The following PSME4 variants were observed in gnomAD, a reference collection of about 807,000 sequenced individuals.
The protein encoded by PSME4 is proteasome activator subunit 4.
A neutral mutation model predicts 253.9 loss-of-function variants in PSME4; 89 were observed. The observed-to-expected ratio is 0.35, with a 90% CI of 0.30 to 0.42. The LOEUF is 0.42. Among genes scored for constraint, PSME4 ranks in the 10% least tolerant of loss-of-function variants. The pLI is 1.00. For synonymous variants in PSME4, 851 were observed against 759.2 expected, an observed-to-expected ratio of 1.12 and a Z score of -1.99; for missense variants, 2,014 against 2,195.2, an observed-to-expected ratio of 0.92 and a Z score of 1.65.
intron 40 of PSME4, among the ~76,000 whole-genome samples, chr2:53,886,980 GTT>G (rs1679668848): frequency 6.6e-6 from 1 of 152,160 alleles, no homozygotes; most frequent in Non-Finnish European, 1.5e-5. Context: ...GTAGACAGTG[GTT>G]ATAAAGGATG....
chr2:53,966,232 C>T (rs984715417), intron 1 of PSME4, among the ~76,000 whole-genome samples: 20 of 152,066 alleles, frequency 1.3e-4, no homozygotes, highest in African/African-American at 4.8e-4. Flanking sequence ...TGCAGTGAGC[C>T]GACATTGTGC....
intron 41 of PSME4, 133 bp from the exon 42 acceptor site, chr2:53,875,888 T>G (rs1198603318): frequency 2.6e-6 from 2 of 758,590 alleles, no homozygotes; most frequent in Non-Finnish European, 2.0e-6. Context: ...AACTAGAGAA[T>G]AGCATAATGA....
intron 6 of PSME4, 76 bp downstream of exon 6, chr2:53,936,688 C>T: frequency 1.9e-6 from 2 of 1,061,560 alleles, no homozygotes; most frequent in Non-Finnish European, 2.6e-6. Context: ...TATTTATCTC[C>T]AAATTAAAAA....
intron 18 of PSME4, 152 bp from the exon 19 acceptor site, chr2:53,920,502 AAAC>A (rs879488577): frequency 2.4e-5 from 19 of 789,384 alleles, no homozygotes; most frequent in Admixed American, 1.6e-4. Context: ...AGTAGCATGA[AAAC>A]AACATCTTAC....
In PSME4 at chr2:53,970,756, C is replaced by T. The variant is rs948936774; in HGVS notation, c.29G>A (p.Gly10Glu). The T allele has an allele frequency of 3.2e-6, 5 of 1,544,734 alleles. No individual in the cohort carries two copies. Among genetic ancestry groups the T allele is most frequent in the Non-Finnish European group, 3.5e-6 (4 of 1,145,050 alleles). ...ACGCCCGCCCGGCTCCGGGGGCTCT[C>T]CGACTCCCGCCCGCTCGGCCGGCTC... MEPAERAGVGEPPEPGGRPE... is the reference protein window; with the variant it reads MEPAERAGVEEPPEPGGRPE... The change falls in exon 1 of 47, where the codon GGA (glycine) becomes GAA (glutamate). Residue 10 changes from glycine to glutamate, a missense_variant. Gly to Glu is a moderately conservative substitution (Grantham distance 98). Transcript: ENST00000404125.
intron 41 of PSME4, among the ~76,000 whole-genome samples, chr2:53,877,510 A>T (rs1164079367): frequency 7.3e-6 from 1 of 137,380 alleles, no homozygotes. Context: ...AACTGTTGTT[A>T]AAAAAAATTA....
At chr2:53,958,197 A>AT in intron 1 of PSME4, among the ~76,000 whole-genome samples, 1 of 151,390 alleles carries the variant, frequency 6.6e-6, no homozygotes, top group African/African-American at 2.4e-5. Flanking sequence ...AAAAAAAAAA[A>AT]AAAAAAAAAT....
chr2:53,956,189 A>G (rs1168313956), intron 1 of PSME4, among the ~76,000 whole-genome samples: 1 of 152,164 alleles, frequency 6.6e-6, no homozygotes, highest in Non-Finnish European at 1.5e-5. Flanking sequence ...AAAACTGAGA[A>G]ACTTTTTTGT....
chr2:53,940,101 T>A, intron 3 of PSME4, 101 bp from the exon 4 acceptor site: 1 of 924,644 alleles, frequency 1.1e-6, no homozygotes, highest in South Asian at 2.2e-5. Flanking sequence ...CATTCAGGTA[T>A]TATTTGTTTA....
intron 26 of PSME4, among the ~76,000 whole-genome samples, 169 bp from the exon 27 acceptor site, chr2:53,904,325 T>A (rs1165747286): frequency 6.6e-6 from 1 of 152,152 alleles, no homozygotes; most frequent in African/African-American, 2.4e-5. Context: ...TTTACTTATA[T>A]CAAAAGGAAA....
rs544948402 is a variant in PSME4, at chr2:53,919,179, G to T, written c.2488C>A (p.Pro830Thr). ...CLIGSGNLLP[P>T]LKGEPVTNLV... ...TTAGTAACTGGCTCTCCTTTCAACGGAGGTAGGAGGTTTCCAGAGCCAATT... is the reference window on the plus strand; with the variant it reads ...TTAGTAACTGGCTCTCCTTTCAACGTAGGTAGGAGGTTTCCAGAGCCAATT... Residue 830 changes from proline (P) to threonine (T), a missense_variant, in exon 20 of 47, where the codon CCG becomes ACG. Physicochemically the swap from Pro to Thr is conservative, Grantham distance 38 (BLOSUM62 -1). Around this residue, in one of 4 missense-constraint regions of PSME4, gnomAD observed 989 missense variants for 1,021.1 expected, o/e 0.97. Coordinates refer to ENST00000404125, the MANE Select transcript of PSME4 (RefSeq NM_014614.3). 1 of 1,612,318 alleles carries T rather than the reference G, an allele frequency of 6.2e-7. No homozygotes were observed. Among genetic ancestry groups the T allele is most frequent in the Admixed American group, 1.7e-5 (1 of 59,796 alleles).
At chr2:53,926,693 G>A (rs922057953) in intron 12 of PSME4, among the ~76,000 whole-genome samples, 4 of 150,854 alleles carry the variant, frequency 2.7e-5, no homozygotes, top group South Asian at 4.2e-4. Flanking sequence ...AGTTCTGGGG[G>A]CTGGGTACAG....
intron 41 of PSME4, among the ~76,000 whole-genome samples, chr2:53,883,227 T>C (rs1679477985): frequency 6.6e-6 from 1 of 152,200 alleles, no homozygotes; most frequent in Non-Finnish European, 1.5e-5. Flanking sequence ...AAATTAGGAA[T>C]GGGAGACCAA....
At chr2:53,937,976 G>A (rs1408662756) in intron 4 of PSME4, among the ~76,000 whole-genome samples, 4 of 150,552 alleles carry the variant, frequency 2.7e-5, no homozygotes, top group African/African-American at 9.8e-5. Context: ...CTGGGCAACA[G>A]AGTGAGACTC....
chr2:53,907,248 A>G (rs1680703235), intron 24 of PSME4, among the ~76,000 whole-genome samples: 1 of 152,192 alleles, frequency 6.6e-6, no homozygotes, highest in African/African-American at 2.4e-5. Flanking sequence ...TTTCAGGGTA[A>G]TCAAATATGT....
In PSME4 at chr2:53,925,987, C is replaced by T. The variant is rs1447998282; in HGVS notation, c.1630G>A (p.Glu544Lys). 1 of 1,613,520 alleles carries T rather than the reference C, an allele frequency of 6.2e-7. No homozygotes were observed. Among genetic ancestry groups the T allele is most frequent in the African/African-American group, 1.3e-5 (1 of 74,926 alleles). Reference sequence around the variant, plus strand: ...TCCATAAACTGTAAGACGAAATCCTCAAATTCAGCTGTGGCTGAACAAAGT... The same window carrying T: ...TCCATAAACTGTAAGACGAAATCCTTAAATTCAGCTGTGGCTGAACAAAGT... ...RELCSATAEF[E>K]DFVLQFMDRC... The change falls in exon 13 of 47, where the codon GAG becomes AAG. Residue 544 changes from glutamate (E) to lysine (K), a missense_variant. By Grantham distance (56) the Glu-to-Lys change is moderately conservative (BLOSUM62 1). Coordinates refer to ENST00000404125, the MANE Select transcript of PSME4 (RefSeq NM_014614.3).
intron 27 of PSME4, 136 bp downstream of exon 27, chr2:53,903,889 C>G (rs994697048): frequency 1.5e-6 from 1 of 686,312 alleles, no homozygotes; most frequent in East Asian, 2.8e-5. Flanking sequence ...AACAGATATG[C>G]GATAAAGCAA....
chr2:53,965,622 C>T lies in PSME4; in HGVS notation c.242+4921G>A, dbSNP rs564306130. On this transcript the variant is annotated intron_variant, in intron 1 of 46. Coordinates refer to ENST00000404125, the MANE Select transcript of PSME4 (RefSeq NM_014614.3). ...TTTTAATGAGTGGGGTTTTAATTTG[C>T]CTGAGGAATCCAATTTCAAGTTTAA... 2.0e-5 allele frequency among the ~76,000 whole-genome samples: 3 copies of T among 150,612 alleles called. No individual in the cohort carries two copies. In the East Asian group the frequency reaches 5.9e-4, roughly 30 times the overall value.
In PSME4 at chr2:53,895,654, T is replaced by C; in HGVS notation, c.3771A>G (p.Pro1257=). 6.2e-7 allele frequency: 1 copy of C among 1,613,780 alleles called. No homozygotes were observed. Among genetic ancestry groups the C allele is most frequent in the Non-Finnish European group, 8.5e-7 (1 of 1,179,878 alleles). ...HWLHYDSKTI[P]RTKKEWESSC... ...TTGACTCCCATTCTTTTTTAGTTCT[T>C]GGTATAGTTTTGCTGTCATAATGCA... Residue 1257 remains proline, a synonymous_variant, in exon 33 of 47, where the codon CCA becomes CCG. Transcript: ENST00000404125.
Sources: gnomAD v4.1 joint callset for allele counts (sites outside exome capture counted in the v4.1 genomes callset) on GRCh38, gnomAD v4.1.1 for gene constraint, gnomAD v4.1.1 regional missense constraint, MANE v1.5 for transcripts, NCBI Gene and HGNC (gene_info 2026-07-23, HGNC 2026-07-21) for gene names.